Variants in ATRNL1 observed in about 807,000 individuals in gnomAD.
The protein encoded by ATRNL1 is attractin like 1, also known as attractin-like protein 1.
A neutral mutation model predicts 182.7 loss-of-function variants in ATRNL1; 95 were observed. The ratio of observed to expected loss-of-function variants is 0.52; its 90% CI spans 0.44 to 0.62. ATRNL1 has a LOEUF of 0.62. ATRNL1 is among the 20% of genes least tolerant of loss of function. The pLI is 0.00. For synonymous variants in ATRNL1, 576 were observed against 568.3 expected, an observed-to-expected ratio of 1.01 and a Z score of -0.19; for missense variants, 1,471 against 1,679.5, an observed-to-expected ratio of 0.88 and a Z score of 2.17.
intron 26 of ATRNL1, among the ~76,000 whole-genome samples, chr10:115,636,298 A>G (rs1181218707): frequency 6.9e-6 from 1 of 145,146 alleles, no homozygotes; most frequent in South Asian, 2.3e-4. Flanking sequence ...GGCAATAGCA[A>G]TAGGGGGATC....
At chr10:115,599,332 A>C (rs572359748) in intron 26 of ATRNL1, among the ~76,000 whole-genome samples, 26 of 152,178 alleles carry the variant, frequency 1.7e-4, no homozygotes, top group Non-Finnish European at 3.8e-4. Context: ...TGTGCTTTCA[A>C]CTTAAAATGG....
At chr10:115,728,000 G>C (rs1323238130) in intron 27 of ATRNL1, among the ~76,000 whole-genome samples, 1 of 151,282 alleles carries the variant, frequency 6.6e-6, no homozygotes, top group Non-Finnish European at 1.5e-5. Context: ...ATTCGGCCGG[G>C]CGCGGTGGCT....
At chr10:115,760,006 T>G (rs1406126627) in intron 27 of ATRNL1, among the ~76,000 whole-genome samples, 2 of 151,724 alleles carry the variant, frequency 1.3e-5, no homozygotes, top group Non-Finnish European at 2.9e-5. Flanking sequence ...TAAATAAAAC[T>G]TTCTAATTGT....
intron 28 of ATRNL1, among the ~76,000 whole-genome samples, chr10:115,933,544 A>G (rs1203864501): frequency 6.6e-6 from 1 of 152,218 alleles, no homozygotes; most frequent in Non-Finnish European, 1.5e-5. Context: ...GTCTTTGCCC[A>G]TGGCCTGATG....
At chr10:115,303,615 A>G (rs1853592084) in intron 17 of ATRNL1, among the ~76,000 whole-genome samples, 1 of 152,194 alleles carries the variant, frequency 6.6e-6, no homozygotes, top group Non-Finnish European at 1.5e-5. Flanking sequence ...TAAAATCAGA[A>G]GTTCTTTTGC....
At chr10:115,665,700 T>G (rs1860958640) in intron 26 of ATRNL1, among the ~76,000 whole-genome samples, 1 of 152,132 alleles carries the variant, frequency 6.6e-6, no homozygotes. Flanking sequence ...AACTTGTGAC[T>G]CCCCTTGAGT....
chr10:115,666,916 A>G (rs1363061632), intron 26 of ATRNL1, among the ~76,000 whole-genome samples: 2 of 152,190 alleles, frequency 1.3e-5, no homozygotes, highest in African/African-American at 4.8e-5. Context: ...AACACTAAAG[A>G]TAGTCAAATA....
chr10:115,148,744 G>GTTTTCTTT, intron 5 of ATRNL1, among the ~76,000 whole-genome samples: 1 of 116,754 alleles, frequency 8.6e-6, no homozygotes, highest in Non-Finnish European at 1.7e-5. Context: ...GGCCAGATGC[G>GTTTTCTTT]TTTTTTTTTT....
At chr10:115,484,325 T>C (rs1848916277) in intron 24 of ATRNL1, among the ~76,000 whole-genome samples, 1 of 151,642 alleles carries the variant, frequency 6.6e-6, no homozygotes, top group East Asian at 1.9e-4. Flanking sequence ...TATTTTATAT[T>C]TTAATTTTGA....
At chr10:115,700,640 T>A (rs1414622266) in intron 26 of ATRNL1, among the ~76,000 whole-genome samples, 3 of 152,128 alleles carry the variant, frequency 2.0e-5, no homozygotes, top group Admixed American at 2.0e-4. Context: ...TCTCCCATGC[T>A]GTATGTTGTC....
At chr10:115,694,882 GTT>G (rs35787777) in intron 26 of ATRNL1, among the ~76,000 whole-genome samples, 41,244 of 141,584 alleles carry the variant, frequency 0.29, 7,354 homozygotes, top group Non-Finnish European at 0.41. Flanking sequence ...TATTTTTCCT[GTT>G]TTTTTTTTTT....
chr10:115,259,272 C>T (rs2265929), intron 10 of ATRNL1, among the ~76,000 whole-genome samples: 5,143 of 152,246 alleles, frequency 0.034, 110 homozygotes, highest in African/African-American at 0.052. Flanking sequence ...TGGTAGGCTC[C>T]GTCCAGTTTA....
intron 24 of ATRNL1, among the ~76,000 whole-genome samples, chr10:115,510,776 T>G (rs1850348246): frequency 6.6e-6 from 1 of 151,966 alleles, no homozygotes; most frequent in South Asian, 2.1e-4. Context: ...AAGGCTAAGT[T>G]TCTAAGATTG....
chr10:115,767,360 A>G (rs1948882351), intron 27 of ATRNL1, among the ~76,000 whole-genome samples: 1 of 151,766 alleles, frequency 6.6e-6, no homozygotes, highest in Non-Finnish European at 1.5e-5. Context: ...CAATGCCATC[A>G]TTTTTTCTAG....
intron 24 of ATRNL1, among the ~76,000 whole-genome samples, chr10:115,490,677 T>C (rs1336341904): frequency 6.6e-6 from 1 of 152,144 alleles, no homozygotes; most frequent in Non-Finnish European, 1.5e-5. Context: ...TCCTCCATGC[T>C]CCTTTAGCTT....
intron 26 of ATRNL1, among the ~76,000 whole-genome samples, chr10:115,630,409 G>A (rs553603219): frequency 3.4e-4 from 52 of 152,076 alleles, no homozygotes; most frequent in African/African-American, 1.2e-3. Flanking sequence ...AGCACTGTTA[G>A]TGAGAGTGTC....
intron 18 of ATRNL1, among the ~76,000 whole-genome samples, chr10:115,326,333 A>G (rs1481820613): frequency 6.6e-6 from 1 of 152,188 alleles, no homozygotes; most frequent in African/African-American, 2.4e-5. Context: ...TCCCATTCAC[A>G]ATTGCTTCAA....
At chr10:115,936,291 C>T (rs1350187389) in intron 28 of ATRNL1, among the ~76,000 whole-genome samples, 7 of 152,162 alleles carry the variant, frequency 4.6e-5, no homozygotes, top group African/African-American at 7.2e-5. Flanking sequence ...TTAATCCTCA[C>T]GATGACTTGG....
chr10:115,310,155 TTATTGACTTGCATA>T (rs1853942602), intron 17 of ATRNL1, among the ~76,000 whole-genome samples: 1 of 152,206 alleles, frequency 6.6e-6, no homozygotes, highest in Non-Finnish European at 1.5e-5. Context: ...TGAATCATAT[TTATTGACTTGCATA>T]TGTTGAACCA....
Sources: allele counts gnomAD v4.1 joint callset (sites outside exome capture counted in the v4.1 genomes callset), GRCh38; gene constraint gnomAD v4.1.1; transcripts MANE v1.5; gene names NCBI Gene and HGNC (gene_info 2026-07-23, HGNC 2026-07-21).